The following FRMD3 variants were observed in gnomAD, a reference collection of about 807,000 sequenced individuals.
FRMD3 encodes the protein FERM domain containing 3, also known as FERM domain-containing protein 3.
A neutral mutation model predicts 70.2 loss-of-function variants in FRMD3; 33 were observed. The observed-to-expected ratio is 0.47, with a 90% CI of 0.36 to 0.63. The LOEUF is 0.63. FRMD3 is among the 20% of genes least tolerant of loss of function. The pLI is 0.00. For missense variants in FRMD3, 632 were observed against 711.4 expected, an observed-to-expected ratio of 0.89 and a Z score of 1.27; for synonymous variants, 279 against 255.9, an observed-to-expected ratio of 1.09 and a Z score of -0.86.
At chr9:83,507,723 T>C (rs1291610558) in intron 1 of FRMD3, among the ~76,000 whole-genome samples, 2 of 113,602 alleles carry the variant, frequency 1.8e-5, no homozygotes, top group African/African-American at 7.0e-5. Flanking sequence ...TATATATATA[T>C]ATATATATAT....
intron 4 of FRMD3, among the ~76,000 whole-genome samples, chr9:83,344,150 A>C (rs1039840770): frequency 6.6e-6 from 1 of 152,108 alleles, no homozygotes; most frequent in African/African-American, 2.4e-5. Context: ...CTCTCTTCCA[A>C]TTTCCTCATC....
intron 13 of FRMD3, among the ~76,000 whole-genome samples, chr9:83,254,016 CA>C (rs1169674383): frequency 6.8e-6 from 1 of 147,298 alleles, no homozygotes; most frequent in Non-Finnish European, 1.5e-5. Context: ...ATCACAAGGA[CA>C]AAAAACCAAA....
intron 1 of FRMD3, among the ~76,000 whole-genome samples, chr9:83,496,792 C>T (rs1326430996): frequency 6.6e-6 from 1 of 152,138 alleles, no homozygotes; most frequent in Non-Finnish European, 1.5e-5. Context: ...AAACTAAAAA[C>T]AAACAAAACA....
At chr9:83,250,651 A>C (rs1044997638) in intron 13 of FRMD3, among the ~76,000 whole-genome samples, 1 of 152,052 alleles carries the variant, frequency 6.6e-6, no homozygotes, top group African/African-American at 2.4e-5. Flanking sequence ...AGCTTAGTTG[A>C]CTCAGTTGCT....
intron 6 of FRMD3, among the ~76,000 whole-genome samples, chr9:83,315,711 G>A (rs575601713): frequency 6.6e-6 from 1 of 152,296 alleles, no homozygotes; most frequent in East Asian, 1.9e-4. Context: ...TAATTACCCA[G>A]TCTTGTGTAG....
chr9:83,372,890 T>C (rs1554694807), intron 3 of FRMD3, 23 bp downstream of exon 3: 2 of 1,602,118 alleles, frequency 1.2e-6, no homozygotes, highest in Non-Finnish European at 1.7e-6. Flanking sequence ...GTAGCAAAAG[T>C]AAAGTCACAG....
At chr9:83,576,325 A>G in the FRMD3 span, among the ~76,000 whole-genome samples, 8 of 152,182 alleles carry the variant, frequency 5.3e-5, no homozygotes, top group African/African-American at 1.7e-4. Context: ...AAAAAAAAAA[A>G]TTGTCGAACT....
rs531529695 is a variant in FRMD3 at position 83,331,794 on chromosome 9, T to G, written c.596+3722A>C. The G allele has an allele frequency of 1.1e-5, 8 of 709,592 alleles. No individual in the cohort carries two copies. In the African/African-American group the frequency reaches 1.4e-4, roughly 12 times the overall value. 44.0% of individuals were successfully genotyped at this position (709,592 alleles called of 1,614,324 possible). A position where few individuals can be genotyped will look rare whatever the true frequency, so the allele number is the denominator to read the frequency against. ...AAAAAAAGAAAAACAACTCTATTAG[T>G]CAATGAGTTGTGAGGGCCATTAAGG... On this transcript the variant is annotated intron_variant, in intron 6 of 13. Transcript: ENST00000304195.
intron 1 of FRMD3, among the ~76,000 whole-genome samples, chr9:83,462,084 A>G (rs977378151): frequency 6.6e-6 from 1 of 152,204 alleles, no homozygotes; most frequent in Non-Finnish European, 1.5e-5. Context: ...AAAACCTGCA[A>G]AAGTTACACA....
At chr9:83,265,671 C>A (rs954604950) in intron 13 of FRMD3, among the ~76,000 whole-genome samples, 1 of 152,072 alleles carries the variant, frequency 6.6e-6, no homozygotes, top group African/African-American at 2.4e-5. Flanking sequence ...AAGGGATATG[C>A]AAATTAAAAC....
chr9:83,318,097 ATTATT>A (rs1292462112), intron 6 of FRMD3, among the ~76,000 whole-genome samples: 1 of 152,162 alleles, frequency 6.6e-6, no homozygotes, highest in Non-Finnish European at 1.5e-5. Flanking sequence ...GAAAATGTAA[ATTATT>A]TTATTTAATT....
chr9:83,429,609 C>T (rs1204653917), intron 1 of FRMD3, among the ~76,000 whole-genome samples: 1 of 152,182 alleles, frequency 6.6e-6, no homozygotes, highest in East Asian at 1.9e-4. Context: ...AATCCTGTTT[C>T]CTCATCTACA....
chr9:83,570,557 T>C, the FRMD3 span, among the ~76,000 whole-genome samples: 1 of 152,220 alleles, frequency 6.6e-6, no homozygotes, highest in African/African-American at 2.4e-5. Flanking sequence ...AGAACAGCCA[T>C]GAGGTCTTAG....
At chr9:83,352,802 C>T (rs1330219743) in intron 3 of FRMD3, among the ~76,000 whole-genome samples, 1 of 152,182 alleles carries the variant, frequency 6.6e-6, no homozygotes, top group Admixed American at 6.6e-5. Context: ...TCGTCGTCTC[C>T]TGTCAATGGT....
At chr9:83,549,575 AAG>A in the FRMD3 span, among the ~76,000 whole-genome samples, 1 of 152,182 alleles carries the variant, frequency 6.6e-6, no homozygotes, top group Non-Finnish European at 1.5e-5. Context: ...AACAGCGTAT[AAG>A]AGTTTCCTTT....
chr9:83,326,093 A>G (rs1380639828), intron 6 of FRMD3, among the ~76,000 whole-genome samples: 5 of 152,212 alleles, frequency 3.3e-5, no homozygotes, highest in Non-Finnish European at 7.3e-5. Context: ...GGTCCAGAAC[A>G]CAGGAACGTG....
intron 5 of FRMD3, among the ~76,000 whole-genome samples, chr9:83,336,516 C>T (rs1210456662): frequency 1.3e-5 from 2 of 150,632 alleles, no homozygotes; most frequent in East Asian, 2.0e-4. Context: ...GCAGGTGTGG[C>T]TTATTCATTG....
chr9:83,331,167 C>A lies in FRMD3; in HGVS notation c.596+4349G>T, dbSNP rs1041969747. 3.9e-5 allele frequency among the ~76,000 whole-genome samples: 6 copies of A among 152,180 alleles called. No individual in the cohort carries two copies. The South Asian group carries it at 6.2e-4, about 16-fold the overall frequency. On this transcript the variant is annotated intron_variant, in intron 6 of 13. Transcript: ENST00000304195. Reference sequence around the variant, plus strand: ...ACCTACACACAGTTATTTATAGCAGCCTTATTCATAATTGCTCAAACTTGG... The same window carrying A: ...ACCTACACACAGTTATTTATAGCAGACTTATTCATAATTGCTCAAACTTGG...
At chr9:83,430,712 C>G (rs1294355773) in intron 1 of FRMD3, among the ~76,000 whole-genome samples, 1 of 152,150 alleles carries the variant, frequency 6.6e-6, no homozygotes, top group Non-Finnish European at 1.5e-5. Context: ...AGCCCCACGT[C>G]CATATCTTCG....
Sources: allele counts gnomAD v4.1 joint callset (sites outside exome capture counted in the v4.1 genomes callset), GRCh38; gene constraint gnomAD v4.1.1; transcripts MANE v1.5; gene names NCBI Gene and HGNC (gene_info 2026-07-23, HGNC 2026-07-21).